ALKBH8: variants seen among roughly 807,000 people sequenced by gnomAD.
ALKBH8 encodes the protein tRNA (carboxymethyluridine(34)-5-O)-methyltransferase ALKBH8.
ALKBH8 carries 36 observed loss-of-function variants against 59.8 expected under a neutral mutation model. The ratio of observed to expected loss-of-function variants is 0.60; its 90% CI spans 0.46 to 0.79. The LOEUF (loss-of-function observed/expected upper bound fraction) is 0.79, where lower values mean the gene tolerates loss of function less well. ALKBH8 is among the 30% of genes least tolerant of loss of function. The pLI, the probability that ALKBH8 is intolerant of heterozygous loss-of-function variation, is 0.00. For missense variants in ALKBH8, 768 were observed against 801.0 expected, an observed-to-expected ratio of 0.96 and a Z score of 0.50; for synonymous variants, 276 against 273.6, an observed-to-expected ratio of 1.01 and a Z score of -0.09.
intron 11 of ALKBH8, among the ~76,000 whole-genome samples, chr11:107,506,583 A>T (rs1034719574): frequency 6.6e-6 from 1 of 152,182 alleles, no homozygotes; most frequent in Non-Finnish European, 1.5e-5. Flanking sequence ...AATTAGATAC[A>T]TTTACAAAGA....
intron 1 of ALKBH8, among the ~76,000 whole-genome samples, chr11:107,561,263 C>A (rs537133): frequency 6.6e-6 from 1 of 151,578 alleles, no homozygotes. Context: ...GGCAGGGGAG[C>A]GGTGGGGGGA....
chr11:107,511,345 C>T (rs747009508), intron 10 of ALKBH8, among the ~76,000 whole-genome samples: 16 of 152,088 alleles, frequency 1.1e-4, no homozygotes, highest in Admixed American at 1.3e-4. Context: ...CATTCTGAAT[C>T]TGGATGTTTC....
chr11:107,521,723 T>C (rs925159451), intron 10 of ALKBH8, among the ~76,000 whole-genome samples: 1 of 152,184 alleles, frequency 6.6e-6, no homozygotes, highest in Non-Finnish European at 1.5e-5. Flanking sequence ...AGAAATGGGT[T>C]CAAATTCTGG....
At chr11:107,561,766 C>G (rs1020681862) in intron 1 of ALKBH8, among the ~76,000 whole-genome samples, 1 of 152,094 alleles carries the variant, frequency 6.6e-6, no homozygotes, top group Admixed American at 6.5e-5. Context: ...GCAGGAATGC[C>G]AGCACATAGT....
rs761662500 is a variant in ALKBH8 at position 107,556,914 on chromosome 11, A to C, written c.219T>G (p.Ala73=). The C allele has an allele frequency of 5.0e-6, 8 of 1,612,564 alleles. No individual in the cohort carries two copies. The highest frequency in any genetic ancestry group is 5.9e-6 in the Non-Finnish European group (7 of 1,179,358). The change falls in exon 3 of 12, where the codon GCT becomes GCG. Residue 73 remains alanine, a synonymous_variant. Transcript: ENST00000428149. ...PVLEKCGLVD[A]LLMPPNKPYS... ...ACGGCTTGTTAGGTGGCATTAAGAGAGCATCCACCAGTCCACATTTCTCTA... is the reference window on the plus strand; with the variant it reads ...ACGGCTTGTTAGGTGGCATTAAGAGCGCATCCACCAGTCCACATTTCTCTA...
In ALKBH8 at chr11:107,504,728, A is replaced by G; in HGVS notation, c.1925T>C (p.Val642Ala). 6.4e-7 allele frequency: 1 copy of G among 1,551,802 alleles called. No homozygotes were observed. Among genetic ancestry groups the G allele is most frequent in the Non-Finnish European group, 8.7e-7 (1 of 1,146,950 alleles). The change falls in exon 12 of 12, where the codon GTG (valine) becomes GCG (alanine). Residue 642 changes from valine to alanine, a missense_variant. By Grantham distance (64) the Val-to-Ala change is moderately conservative (BLOSUM62 0). Coordinates refer to ENST00000428149, the MANE Select transcript of ALKBH8 (RefSeq NM_138775.3). ...EGELEGACRT[V>A]SDVRILQSYY... The stretch of plus-strand genomic sequence containing the variant: ...GCTTTGCAGAATTCTGACATCACTC[A>G]CAGTCCTGCAGGCACCTTCCAGTTC...
At position 107,565,656 on chromosome 11, in the gene ALKBH8, C is replaced by T. The variant is rs1865105691; in HGVS notation, c.-62G>A. 2.6e-6 allele frequency: 4 copies of T among 1,535,624 alleles called. No homozygotes were observed. The highest frequency in any genetic ancestry group is 4.9e-5 in the East Asian group (2 of 40,924). ...ATGCGTGTGCCTTCTTCTTTGCCAG[C>T]CTCTCCACTCTAGCACCAGAACACC... On this transcript the variant is annotated 5_prime_UTR_variant, in exon 1 of 12. Coordinates refer to ENST00000428149, the MANE Select transcript of ALKBH8 (RefSeq NM_138775.3).
chr11:107,534,757 CT>C (rs35760148), intron 7 of ALKBH8, among the ~76,000 whole-genome samples: 540 of 147,954 alleles, frequency 3.6e-3, no homozygotes, highest in Admixed American at 9.1e-3. Flanking sequence ...CATTCCTCAT[CT>C]TTTTTTTTTT....
At position 107,505,145 on chromosome 11, in the gene ALKBH8, A is replaced by T; in HGVS notation, c.1508T>A (p.Val503Asp). Reference protein sequence around the residue: ...LRPGGKALIYVWAMEQEYNKQ... With the variant: ...LRPGGKALIYDWAMEQEYNKQ... ...ATTATATTCTTGTTCCATTGCCCAG[A>T]CATAAATGAGTGCCTTCCCACCTGG... The change falls in exon 12 of 12, where the codon GTC becomes GAC. Residue 503 changes from valine (V) to aspartate (D), a missense_variant. Val to Asp is a radical substitution (Grantham distance 152). Transcript: ENST00000428149. The T allele has an allele frequency of 6.4e-7, 1 of 1,551,326 alleles. No individual in the cohort carries two copies. The highest frequency in any genetic ancestry group is 8.7e-7 in the Non-Finnish European group (1 of 1,146,908).
intron 7 of ALKBH8, among the ~76,000 whole-genome samples, chr11:107,547,726 C>A (rs1864324495): frequency 6.6e-6 from 1 of 152,014 alleles, no homozygotes; most frequent in Non-Finnish European, 1.5e-5. Flanking sequence ...TACAATGATT[C>A]ACTTACTCTC....
chr11:107,527,980 A>G (rs962488902), intron 8 of ALKBH8, among the ~76,000 whole-genome samples: 1 of 152,076 alleles, frequency 6.6e-6, no homozygotes, highest in Non-Finnish European at 1.5e-5. Flanking sequence ...AACGCAATGA[A>G]GAAGTTCCCT....
At position 107,559,097 on chromosome 11, in the gene ALKBH8, T is replaced by C. The variant is rs1047761089; in HGVS notation, c.129+1668A>G. On this transcript the variant is annotated intron_variant, in intron 2 of 11. Coordinates refer to ENST00000428149, the MANE Select transcript of ALKBH8 (RefSeq NM_138775.3). ...TGAGATCTGATGGTTTTATAAGGGG[T>C]TTCCCCTTTCGCTTGGCTCTCATTC... 2.0e-5 allele frequency among the ~76,000 whole-genome samples: 3 copies of C among 152,152 alleles called. No individual in the cohort carries two copies. The South Asian group carries it at 6.2e-4, about 32-fold the overall frequency.
chr11:107,520,929 A>C (rs1863084602), intron 10 of ALKBH8, among the ~76,000 whole-genome samples: 1 of 152,176 alleles, frequency 6.6e-6, no homozygotes, highest in South Asian at 2.1e-4. Flanking sequence ...ATATGTATAG[A>C]CTTTTTTCTT....
At chr11:107,531,515 A>G (rs1231811530) in intron 8 of ALKBH8, among the ~76,000 whole-genome samples, 1 of 152,264 alleles carries the variant, frequency 6.6e-6, no homozygotes, top group Non-Finnish European at 1.5e-5. Context: ...AAAAGACTAA[A>G]CAGAATTGAC....
Position 107,522,406 on chromosome 11 carries a change from A to G in ALKBH8, c.1180T>C (p.Trp394Arg). Reference sequence around the variant, plus strand: ...TTCAAAAACTCCACAATGTGCGGCCAAGGGGTATGTCTTGTGCTGCTGAAG... The same window carrying G: ...TTCAAAAACTCCACAATGTGCGGCCGAGGGGTATGTCTTGTGCTGCTGAAG... ...GHFSSTRHTP[W>R]PHIVEFLKAL... is the part of the protein sequence containing the mutation. The change falls in exon 10 of 12, where the codon TGG becomes CGG. Residue 394 changes from tryptophan (W) to arginine (R), a missense_variant. Physicochemically the swap from Trp to Arg is moderately radical, Grantham distance 101. Coordinates refer to ENST00000428149, the MANE Select transcript of ALKBH8 (RefSeq NM_138775.3). The G allele has an allele frequency of 1.3e-6, 2 of 1,551,794 alleles. No individual in the cohort carries two copies. The highest frequency in any genetic ancestry group is 1.7e-6 in the Non-Finnish European group (2 of 1,147,004).
At chr11:107,555,293 TTC>T (rs1864662438) in intron 3 of ALKBH8, among the ~76,000 whole-genome samples, 1 of 152,110 alleles carries the variant, frequency 6.6e-6, no homozygotes, top group Admixed American at 6.6e-5. Flanking sequence ...TGTGACACAC[TTC>T]TGTTCTCAAT....
chr11:107,564,668 GAAAA>G (rs1865060510), intron 1 of ALKBH8, among the ~76,000 whole-genome samples: 3 of 152,032 alleles, frequency 2.0e-5, no homozygotes, highest in Non-Finnish European at 4.4e-5. Context: ...AAAATTTTTA[GAAAA>G]AAATTCACCC....
chr11:107,513,624 T>C (rs904957163), intron 10 of ALKBH8, among the ~76,000 whole-genome samples: 2 of 152,192 alleles, frequency 1.3e-5, no homozygotes, highest in African/African-American at 4.8e-5. Flanking sequence ...ACAATAGTAA[T>C]GACATGGAAT....
intron 7 of ALKBH8, among the ~76,000 whole-genome samples, chr11:107,539,653 C>G (rs1047037257): frequency 1.4e-5 from 2 of 139,648 alleles, no homozygotes; most frequent in African/African-American, 4.9e-5. Context: ...TTTCCCTTCC[C>G]TGATTCCTAC....
Sources: allele counts gnomAD v4.1 joint callset (sites outside exome capture counted in the v4.1 genomes callset), GRCh38; gene constraint gnomAD v4.1.1; transcripts MANE v1.5; gene names NCBI Gene and HGNC (gene_info 2026-07-23, HGNC 2026-07-21).